Variants in MLLT10 observed in about 807,000 individuals in gnomAD.
MLLT10 encodes the protein MLLT10 histone lysine methyltransferase DOT1L cofactor.
In MLLT10, 30 loss-of-function variants were observed where a neutral mutation model predicts 129.1. The observed-to-expected ratio is 0.23, with a 90% CI of 0.17 to 0.32. MLLT10 has a LOEUF of 0.32. MLLT10 is among the 10% of genes least tolerant of loss of function. MLLT10 has a pLI of 1.00. For missense variants in MLLT10, 1,119 were observed against 1,268.3 expected, an observed-to-expected ratio of 0.88 and a Z score of 1.79; for synonymous variants, 490 against 446.4, an observed-to-expected ratio of 1.10 and a Z score of -1.23.
intron 8 of MLLT10, among the ~76,000 whole-genome samples, chr10:21,631,443 T>TG (rs2047005550): frequency 6.6e-6 from 1 of 152,038 alleles, no homozygotes. Flanking sequence ...AATTTTTTTT[T>TG]TTTTTAAATA....
At chr10:21,573,066 CAT>C (rs2040380805) in intron 3 of MLLT10, among the ~76,000 whole-genome samples, 1 of 151,962 alleles carries the variant, frequency 6.6e-6, no homozygotes, top group African/African-American at 2.4e-5. Context: ...TTACTTAAGT[CAT>C]ATTAATTCTA....
chr10:21,549,504 G>T (rs2036628331), intron 3 of MLLT10, among the ~76,000 whole-genome samples: 1 of 152,070 alleles, frequency 6.6e-6, no homozygotes. Flanking sequence ...TCTTCCTTCT[G>T]TATCAGCCTT....
At chr10:21,647,149 C>T (rs1471135725) in intron 8 of MLLT10, among the ~76,000 whole-genome samples, 1 of 152,184 alleles carries the variant, frequency 6.6e-6, no homozygotes, top group Non-Finnish European at 1.5e-5. Context: ...AGCCGCTGCA[C>T]CTGGCCATCT....
intron 14 of MLLT10, among the ~76,000 whole-genome samples, chr10:21,714,641 C>T (rs1276056233): frequency 1.3e-5 from 2 of 152,170 alleles, no homozygotes; most frequent in Non-Finnish European, 2.9e-5. Context: ...AAGCAATTCT[C>T]CTGCCTCAGC....
At chr10:21,565,945 CTTTTTTTTTT>C (rs1204388391) in intron 3 of MLLT10, among the ~76,000 whole-genome samples, 243 of 79,390 alleles carry the variant, frequency 3.1e-3, no homozygotes, top group Middle Eastern at 0.015. Context: ...CAATCTTTGG[CTTTTTTTTTT>C]TTTTTTTTTT....
chr10:21,586,589 T>G (rs1375792539), intron 4 of MLLT10, among the ~76,000 whole-genome samples: 1 of 152,210 alleles, frequency 6.6e-6, no homozygotes, highest in East Asian at 1.9e-4. Flanking sequence ...ACTTCTAATT[T>G]AAATTCTTAT....
intron 3 of MLLT10, among the ~76,000 whole-genome samples, chr10:21,583,766 C>T (rs2041703807): frequency 1.3e-5 from 2 of 152,284 alleles, no homozygotes; most frequent in South Asian, 2.1e-4. Flanking sequence ...GAGGGATCTG[C>T]CCCCATTACC....
At position 21,687,717 on chromosome 10, in the gene MLLT10, C is replaced by T. The variant is rs998780896; in HGVS notation, c.1699+5460C>T. The stretch of plus-strand genomic sequence containing the variant: ...GGGCGTAGTAAAGAGCTGCAAAGCA[C>T]ATTGGTTTAGGGGGTTGAAATGAAA... On this transcript the variant is annotated intron_variant, in intron 13 of 22. Coordinates refer to ENST00000307729, the MANE Select transcript of MLLT10 (RefSeq NM_001195626.3). 4.6e-5 allele frequency among the ~76,000 whole-genome samples: 7 copies of T among 152,222 alleles called. 1 individual carries two copies. The South Asian group carries it at 1.5e-3, about 32-fold the overall frequency.
Position 21,595,382 on chromosome 10 carries a change from A to G in MLLT10, c.347A>G (p.Asn116Ser), listed in dbSNP as rs1481009950. 3.1e-6 allele frequency: 5 copies of G among 1,613,808 alleles called. No homozygotes were observed. Among genetic ancestry groups the G allele is most frequent in the Admixed American group, 1.7e-5 (1 of 60,002 alleles). Residue 116 changes from asparagine to serine, a missense_variant, in exon 5 of 23, where the codon AAT (asparagine) becomes AGT (serine). By Grantham distance (46) the Asn-to-Ser change is conservative. Transcript: ENST00000307729. ...ALYIPEVQFA[N>S]VSTMEPIVLQ... ...TATATTCCAGAGGTACAATTTGCCA[A>G]TGTTTCCACAATGGAACCAATTGTT...
intron 3 of MLLT10, among the ~76,000 whole-genome samples, chr10:21,558,066 C>T (rs1184630902): frequency 1.3e-5 from 2 of 149,136 alleles, no homozygotes; most frequent in Non-Finnish European, 3.0e-5. Context: ...TCTCTGGCCT[C>T]AGCCTCCCAA....
Position 21,713,755 on chromosome 10 carries a change from C to T in MLLT10, c.1700-17C>T. ...TGACTGCTAAGTTATATTTAAATAA[C>T]ATTTGTTTTTTTGCAGGTATTTATA... On this transcript the variant is annotated splice_polypyrimidine_tract_variant and intron_variant, in intron 13 of 22. Coordinates refer to ENST00000307729, the MANE Select transcript of MLLT10 (RefSeq NM_001195626.3). The T allele has an allele frequency of 5.0e-6, 8 of 1,597,866 alleles. No homozygotes were observed. Among genetic ancestry groups the T allele is most frequent in the Non-Finnish European group, 6.8e-6 (8 of 1,170,696 alleles).
At chr10:21,702,696 T>C (rs1012899024) in intron 13 of MLLT10, among the ~76,000 whole-genome samples, 1 of 152,180 alleles carries the variant, frequency 6.6e-6, no homozygotes, top group Non-Finnish European at 1.5e-5. Flanking sequence ...TTTTACAGTT[T>C]TTTTTTTCTT....
intron 11 of MLLT10, among the ~76,000 whole-genome samples, chr10:21,679,238 T>C (rs2052501721): frequency 1.3e-5 from 2 of 152,192 alleles, no homozygotes; most frequent in South Asian, 2.1e-4. Flanking sequence ...TTGGGGCTTA[T>C]AGGTTTTGTT....
At chr10:21,634,174 G>A (rs1030365176) in intron 8 of MLLT10, among the ~76,000 whole-genome samples, 1 of 151,482 alleles carries the variant, frequency 6.6e-6, no homozygotes, top group Non-Finnish European at 1.5e-5. Context: ...CAGGAGGCAG[G>A]GGTTTCAGGG....
At position 21,596,600 on chromosome 10, in the gene MLLT10, T is replaced by A. The variant is rs1314180804; in HGVS notation, c.405+1160T>A. On this transcript the variant is annotated intron_variant, in intron 5 of 22. Transcript: ENST00000307729. ...ACCCTATATTATGTTAGGTACACTG[T>A]GTTACCCTTAAAAAACTTTGCTATT... Among the ~76,000 whole-genome samples, 4 of 151,834 alleles carry A rather than the reference T, an allele frequency of 2.6e-5. No homozygotes were observed. In the South Asian group the frequency reaches 8.3e-4, roughly 32 times the overall value.
chr10:21,594,017 A>T (rs1319432159), intron 4 of MLLT10, among the ~76,000 whole-genome samples: 5 of 141,152 alleles, frequency 3.5e-5, no homozygotes, highest in African/African-American at 5.3e-5. Context: ...ATAGATGTAT[A>T]TTTGCATCTG....
chr10:21,733,925 T>G lies in MLLT10; in HGVS notation c.2654T>G (p.Val885Gly), dbSNP rs746636482. 1 of 1,614,182 alleles carries G rather than the reference T, an allele frequency of 6.2e-7. No individual in the cohort carries two copies. The change falls in exon 20 of 23, where the codon GTA becomes GGA. Residue 885 changes from valine (V) to glycine (G), a missense_variant. Coordinates refer to ENST00000307729, the MANE Select transcript of MLLT10 (RefSeq NM_001195626.3). ...GCACTAGCTAGTGGAATGCAGCCTG[T>G]AACTTCCACCATTCCTGCCGTGTCT... ...VGALASGMQP[V>G]TSTIPAVSAV... is the part of the protein sequence containing the mutation.
chr10:21,603,886 TG>T (rs1372561598), intron 5 of MLLT10, among the ~76,000 whole-genome samples: 2 of 152,110 alleles, frequency 1.3e-5, no homozygotes, highest in Non-Finnish European at 2.9e-5. Flanking sequence ...ATTCTTCCTT[TG>T]TCTCTGTCTC....
At chr10:21,620,438 T>C (rs148360552) in intron 8 of MLLT10, among the ~76,000 whole-genome samples, 1,865 of 152,282 alleles carry the variant, frequency 0.012, 29 homozygotes, top group African/African-American at 0.042. Flanking sequence ...AGATTTACCA[T>C]GGAGTTATGT....
Sources: gnomAD v4.1 joint callset for allele counts (sites outside exome capture counted in the v4.1 genomes callset) on GRCh38, gnomAD v4.1.1 for gene constraint, MANE v1.5 for transcripts, NCBI Gene and HGNC (gene_info 2026-07-23, HGNC 2026-07-21) for gene names.